EIF4E1B: variants seen among roughly 807,000 people sequenced by gnomAD.
EIF4E1B encodes eukaryotic translation initiation factor 4E family member 1B.
EIF4E1B carries 22 observed loss-of-function variants against 31.3 expected under a neutral mutation model. That is an observed-to-expected ratio of 0.70 (90% confidence interval 0.50 to 1.00). The LOEUF is 1.00. Ranked by LOEUF, EIF4E1B falls within the 50% of genes least tolerant of loss-of-function variation. The pLI, the probability that EIF4E1B is intolerant of heterozygous loss-of-function variation, is 0.00. For missense variants in EIF4E1B, 290 were observed against 311.6 expected (o/e 0.93, Z 0.52); for synonymous variants, 126 against 120.2 (o/e 1.05, Z -0.31).
chr5:176,640,575 C>A (rs569719725), intron 1 of EIF4E1B, among the ~76,000 whole-genome samples: 2 of 152,150 alleles, frequency 1.3e-5, no homozygotes, highest in East Asian at 3.8e-4. Context: ...TCTGCCGCCC[C>A]CTCTGTCACC....
At chr5:176,637,105 A>G (rs1760506564) in intron 1 of EIF4E1B, among the ~76,000 whole-genome samples, 1 of 152,242 alleles carries the variant, frequency 6.6e-6, no homozygotes, top group Non-Finnish European at 1.5e-5. Flanking sequence ...CCCATAAGCC[A>G]GACGCTGTTG....
chr5:176,640,385 C>T (rs566976560), intron 1 of EIF4E1B, among the ~76,000 whole-genome samples: 3 of 152,352 alleles, frequency 2.0e-5, no homozygotes, highest in East Asian at 1.9e-4. Context: ...CCACATTGCA[C>T]GCTTGTGAGC....
chr5:176,634,154 G>T (rs76835723), intron 1 of EIF4E1B, among the ~76,000 whole-genome samples: 1,813 of 152,010 alleles, frequency 0.012, 44 homozygotes, highest in African/African-American at 0.039. Context: ...GCAGCTTGGT[G>T]GGGGGATGAT....
At position 176,643,315 on chromosome 5, in the gene EIF4E1B, C is replaced by T. The variant is rs769402313; in HGVS notation, c.200+49C>T. 2.5e-6 allele frequency: 4 copies of T among 1,582,592 alleles called. No individual in the cohort carries two copies. In the South Asian group the frequency reaches 3.5e-5, roughly 14 times the overall value. On this transcript the variant is annotated intron_variant, in intron 4 of 8. Coordinates refer to ENST00000318682, the MANE Select transcript of EIF4E1B (RefSeq NM_001099408.2). ...ACACAGCCCCTTGCTTTCAGGCCAG[C>T]CTCTGTGCTGGCAGCGTGGCCTTGG...
At position 176,642,853 on chromosome 5, in the gene EIF4E1B, C is replaced by CG. The variant is rs1561910303; in HGVS notation, c.15+51_15+52insG. The CG allele has an allele frequency of 3.7e-5, 44 of 1,182,516 alleles. 1 individual carries two copies. The highest frequency in any genetic ancestry group is 6.3e-5 in the African/African-American group (2 of 31,750). The allele number at this position is 1,182,516 out of a possible 1,614,324, so 73.3% of individuals were successfully genotyped here. A position where few individuals can be genotyped will look rare whatever the true frequency, so the allele number is the denominator to read the frequency against. ...CAGTGCACCATGGCCCCGCCCTCTC[C>CG]CCCCCCCCCCCCGCCCCAGGTGGGC... On this transcript the variant is annotated intron_variant, in intron 3 of 8. Coordinates refer to ENST00000318682, the MANE Select transcript of EIF4E1B (RefSeq NM_001099408.2).
At position 176,643,281 on chromosome 5, in the gene EIF4E1B, G is replaced by C. The variant is rs1368053948; in HGVS notation, c.200+15G>C. The C allele has an allele frequency of 6.2e-7, 1 of 1,609,028 alleles. No homozygotes were observed. Among genetic ancestry groups the C allele is most frequent in the Non-Finnish European group, 8.5e-7 (1 of 1,177,898 alleles). The stretch of plus-strand genomic sequence containing the variant: ...TTGCAGAACAGGTAGGCAGGAGCCT[G>C]CGAGTGGAACACAGCCCCTTGCTTT... On this transcript the variant is annotated intron_variant, in intron 4 of 8. Transcript: ENST00000318682.
In EIF4E1B at chr5:176,643,084, G is replaced by T. The variant is rs1391171984; in HGVS notation, c.18G>T (p.Val6=). 5 of 1,609,570 alleles carry T rather than the reference G, an allele frequency of 3.1e-6. No individual in the cohort carries two copies. In the South Asian group the frequency reaches 3.3e-5, roughly 11 times the overall value. The part of the protein sequence containing the change: MLAVE[V]SEAEGGIREW... ...CCTGACTCCTTTTTTTGGCTCAGGT[G>T]AGTGAAGCTGAGGGTGGAATCCGAG... Residue 6 remains valine (V), a splice_region_variant and synonymous_variant, in exon 4 of 9, where the codon GTG becomes GTT. Coordinates refer to ENST00000318682, the MANE Select transcript of EIF4E1B (RefSeq NM_001099408.2).
intron 2 of EIF4E1B, among the ~76,000 whole-genome samples, 153 bp from the exon 3 acceptor site, chr5:176,642,557 T>C (rs907052200): frequency 1.3e-5 from 2 of 152,190 alleles, no homozygotes; most frequent in African/African-American, 4.8e-5. Context: ...GATGTGAGGT[T>C]GGGGATGGTG....
Position 176,645,488 on chromosome 5 carries a change from G to A in EIF4E1B, c.586G>A (p.Glu196Lys). 1.3e-6 allele frequency: 2 copies of A among 1,518,488 alleles called. No individual in the cohort carries two copies. The highest frequency in any genetic ancestry group is 1.3e-5 in the South Asian group (1 of 74,898). 94.1% of individuals were successfully genotyped at this position (1,518,488 alleles called of 1,614,324 possible). ...DKIAVWTREAENQAGVLHVGR... is the reference protein window; with the variant it reads ...DKIAVWTREAKNQAGVLHVGR... ...GATCGCTGTGTGGACGAGGGAGGCG[G>A]AAAACCAGGCGGGCGTGCTGCACGT... Residue 196 changes from glutamate to lysine, a missense_variant, in exon 8 of 9, where the codon GAA (glutamate) becomes AAA (lysine). Glu to Lys is a moderately conservative substitution (Grantham distance 56, BLOSUM62 1). Transcript: ENST00000318682. The surrounding 1 kb of genome is among the most constrained non-coding windows in gnomAD (Gnocchi z 5.4).
chr5:176,644,065 G>T, intron 5 of EIF4E1B: 2 of 556,036 alleles, frequency 3.6e-6, no homozygotes, highest in Non-Finnish European at 6.4e-6. Flanking sequence ...GGGTGCTCAC[G>T]GGAGTGGCTC....
At position 176,643,550 on chromosome 5, in the gene EIF4E1B, A is replaced by AG; in HGVS notation, c.201-85dup. ...ATCTCATCTCCCAGTTCGCCCTTGAAGGGGAGGGTCCTCCCTGTCAGTCCA... is the reference window on the plus strand; with the variant it reads ...ATCTCATCTCCCAGTTCGCCCTTGAAGGGGGAGGGTCCTCCCTGTCAGTCCA... On this transcript the variant is annotated intron_variant, in intron 4 of 8. Transcript: ENST00000318682. 2.3e-6 allele frequency: 3 copies of AG among 1,298,612 alleles called. No homozygotes were observed. In the East Asian group the frequency reaches 7.5e-5, roughly 33 times the overall value. The allele number at this position is 1,298,612 out of a possible 1,614,324, so 80.4% of individuals were successfully genotyped here.
intron 1 of EIF4E1B, among the ~76,000 whole-genome samples, chr5:176,635,679 C>A (rs1162935705): frequency 6.6e-6 from 1 of 152,242 alleles, no homozygotes; most frequent in Non-Finnish European, 1.5e-5. Flanking sequence ...CTTTCTGATG[C>A]ACCATTCTTA....
At chr5:176,642,922 T>C in intron 3 of EIF4E1B, 120 bp downstream of exon 3, 1 of 1,304,984 alleles carries the variant, frequency 7.7e-7, no homozygotes, top group Non-Finnish European at 9.9e-7. Context: ...TGGGGGCTTT[T>C]CAGATGCTGG....
intron 1 of EIF4E1B, among the ~76,000 whole-genome samples, chr5:176,639,988 C>G (rs906531825): frequency 3.9e-5 from 6 of 152,194 alleles, no homozygotes; most frequent in Non-Finnish European, 7.3e-5. Flanking sequence ...AGTGCTCCCT[C>G]TGTCCAAATT....
chr5:176,633,494 G>A (rs1401970829), intron 1 of EIF4E1B, among the ~76,000 whole-genome samples: 2 of 152,048 alleles, frequency 1.3e-5, no homozygotes, highest in Non-Finnish European at 2.9e-5. Context: ...ATTTTTTGTT[G>A]AGACAGGGTC....
chr5:176,641,427 T>C (rs559200422), intron 1 of EIF4E1B, among the ~76,000 whole-genome samples: 1 of 152,322 alleles, frequency 6.6e-6, no homozygotes, highest in Non-Finnish European at 1.5e-5. Context: ...CAGCGTGTGA[T>C]GAGCAAGCCG....
At chr5:176,635,012 T>C (rs1760470644) in intron 1 of EIF4E1B, among the ~76,000 whole-genome samples, 1 of 152,024 alleles carries the variant, frequency 6.6e-6, no homozygotes, top group South Asian at 2.1e-4. Flanking sequence ...CCAAGTGAGA[T>C]CAGTGCCCCA....
Position 176,645,018 on chromosome 5 carries a change from G to T in EIF4E1B, c.361-112G>T. On this transcript the variant is annotated intron_variant, in intron 6 of 8. Coordinates refer to ENST00000318682, the MANE Select transcript of EIF4E1B (RefSeq NM_001099408.2). This position sits in a 1 kb window ranked among gnomAD's most constrained non-coding sequence, Gnocchi z 5.4. ...TGCACTGAGGGAAGGGAGGATAAGAGAATCTGGCCTACTTAGGGCCTCAGC... is the reference window on the plus strand; with the variant it reads ...TGCACTGAGGGAAGGGAGGATAAGATAATCTGGCCTACTTAGGGCCTCAGC... The T allele has an allele frequency of 1.1e-6, 1 of 917,720 alleles. No individual in the cohort carries two copies. Among genetic ancestry groups the T allele is most frequent in the African/African-American group, 1.7e-5 (1 of 60,300 alleles). 56.8% of individuals were successfully genotyped at this position (917,720 alleles called of 1,614,324 possible). A position where few individuals can be genotyped will look rare whatever the true frequency, so the allele number is the denominator to read the frequency against.
intron 5 of EIF4E1B, chr5:176,643,943 C>G: frequency 1.7e-6 from 1 of 603,882 alleles, no homozygotes. Flanking sequence ...GCAGGAGAAG[C>G]AGGAAGCTGA....
Sources: allele counts gnomAD v4.1 joint callset (sites outside exome capture counted in the v4.1 genomes callset), GRCh38; gene constraint gnomAD v4.1.1; non-coding constraint Gnocchi (gnomAD v3.1); transcripts MANE v1.5; gene names NCBI Gene and HGNC (gene_info 2026-07-23, HGNC 2026-07-21).